KCND2: variants seen among roughly 807,000 people sequenced by gnomAD.
KCND2 encodes the protein A-type voltage-gated potassium channel KCND2.
Under a neutral mutation model 54.4 loss-of-function variants are expected in KCND2, and 16 were observed. The ratio of observed to expected loss-of-function variants is 0.29; its 90% CI spans 0.20 to 0.45. The LOEUF is 0.45. KCND2 is among the 20% of genes least tolerant of loss of function. KCND2 has a pLI of 1.00. For synonymous variants in KCND2, 317 were observed against 310.7 expected (o/e 1.02, Z -0.21); for missense variants, 486 against 824.2 (o/e 0.59, Z 5.02).
chr7:120,740,876 A>G, intron 2 of KCND2: 1 of 455,550 alleles, frequency 2.2e-6, no homozygotes, highest in Non-Finnish European at 4.4e-6. Flanking sequence ...GCCGGTAGAC[A>G]AAGTAGATAA....
chr7:120,530,130 A>G (rs1791824920), intron 1 of KCND2, among the ~76,000 whole-genome samples: 1 of 152,160 alleles, frequency 6.6e-6, no homozygotes. Flanking sequence ...AGCACAACAG[A>G]TTGACTATTG....
intron 1 of KCND2, among the ~76,000 whole-genome samples, chr7:120,339,053 A>T (rs548003825): frequency 0.096 from 13,578 of 141,012 alleles, 645 homozygotes; most frequent in African/African-American, 0.1. Flanking sequence ...GCTAATTATT[A>T]TTTTTTTTTT....
chr7:120,685,226 G>A (rs932996904), intron 1 of KCND2, among the ~76,000 whole-genome samples: 4 of 152,138 alleles, frequency 2.6e-5, no homozygotes, highest in Non-Finnish European at 5.9e-5. Flanking sequence ...AAGACTAGGA[G>A]AGAGATAAGA....
chr7:120,684,059 A>G (rs1792171764), intron 1 of KCND2, among the ~76,000 whole-genome samples: 1 of 152,096 alleles, frequency 6.6e-6, no homozygotes, highest in Non-Finnish European at 1.5e-5. Flanking sequence ...TTTATTTAGT[A>G]AAATAGTTGT....
chr7:120,524,782 AC>A (rs1406006016), intron 1 of KCND2, among the ~76,000 whole-genome samples: 1 of 152,196 alleles, frequency 6.6e-6, no homozygotes, highest in East Asian at 1.9e-4. Context: ...CACAAGAGAT[AC>A]TTTCTTGCCA....
chr7:120,649,509 A>G lies in KCND2; in HGVS notation c.1116-83394A>G, dbSNP rs556034226. ...ATAGTAGTTTCTTTTGCTGTGCAGA[A>G]GCTCTTTAGTTTAATTAGATCCCAT... On this transcript the variant is annotated intron_variant, in intron 1 of 5. Coordinates refer to ENST00000331113, the MANE Select transcript of KCND2 (RefSeq NM_012281.3). 5.3e-4 allele frequency among the ~76,000 whole-genome samples: 80 copies of G among 152,296 alleles called. 1 individual carries two copies. The highest frequency in any genetic ancestry group is 7.1e-4 in the Non-Finnish European group (48 of 68,026).
At chr7:120,723,187 G>A (rs1450693462) in intron 1 of KCND2, among the ~76,000 whole-genome samples, 2 of 152,182 alleles carry the variant, frequency 1.3e-5, no homozygotes, top group African/African-American at 4.8e-5. Context: ...ACCAAAACAT[G>A]CATCTTAGGG....
chr7:120,444,745 A>G (rs1349476712), intron 1 of KCND2, among the ~76,000 whole-genome samples: 1 of 152,168 alleles, frequency 6.6e-6, no homozygotes, highest in East Asian at 1.9e-4. Flanking sequence ...AAGCAAATAT[A>G]TAATAATGCT....
intron 1 of KCND2, among the ~76,000 whole-genome samples, chr7:120,567,839 A>G (rs950672209): frequency 1.3e-5 from 2 of 152,182 alleles, no homozygotes; most frequent in African/African-American, 2.4e-5. Context: ...TTTAGGGAAT[A>G]AAATTAGATA....
intron 1 of KCND2, among the ~76,000 whole-genome samples, chr7:120,646,759 G>A (rs1160632796): frequency 6.6e-6 from 1 of 152,196 alleles, no homozygotes; most frequent in Admixed American, 6.5e-5. Context: ...TTTCATTTCA[G>A]CAAAGATTCG....
chr7:120,329,682 C>T (rs1584732921), intron 1 of KCND2, among the ~76,000 whole-genome samples: 1 of 152,222 alleles, frequency 6.6e-6, no homozygotes, highest in Non-Finnish European at 1.5e-5. Flanking sequence ...GGGAACTATT[C>T]TTAGCTCCAG....
At chr7:120,366,109 T>C (rs2116407991) in intron 1 of KCND2, among the ~76,000 whole-genome samples, 1 of 152,160 alleles carries the variant, frequency 6.6e-6, no homozygotes, top group Non-Finnish European at 1.5e-5. Flanking sequence ...AAGTAAGCTT[T>C]ATCTTGATAG....
intron 1 of KCND2, among the ~76,000 whole-genome samples, chr7:120,390,591 T>C (rs2116050651): frequency 6.6e-6 from 1 of 152,092 alleles, no homozygotes; most frequent in South Asian, 2.1e-4. Context: ...GCTATATACT[T>C]CTCCCATCAA....
At chr7:120,281,292 A>G (rs1247354124) in intron 1 of KCND2, among the ~76,000 whole-genome samples, 1 of 151,696 alleles carries the variant, frequency 6.6e-6, no homozygotes. Flanking sequence ...CATATGTCTT[A>G]TATTGTTTTC....
intron 1 of KCND2, among the ~76,000 whole-genome samples, chr7:120,576,517 T>TG (rs1219474914): frequency 1.3e-5 from 1 of 74,304 alleles, no homozygotes; most frequent in Non-Finnish European, 4.7e-5. Flanking sequence ...TCACAGAGCA[T>TG]GAAAATTTTT....
intron 1 of KCND2, among the ~76,000 whole-genome samples, chr7:120,287,427 T>C (rs143351670): frequency 4.4e-4 from 67 of 152,180 alleles, no homozygotes; most frequent in African/African-American, 1.4e-3. Flanking sequence ...TAAATAGTCT[T>C]TGCAGGTGGG....
intron 2 of KCND2, among the ~76,000 whole-genome samples, chr7:120,741,106 T>C (rs538386582): frequency 6.6e-6 from 1 of 151,986 alleles, no homozygotes; most frequent in African/African-American, 2.4e-5. Context: ...ACTTAGTTAC[T>C]AATTTTTTTA....
rs1584834404 is a variant in KCND2 at position 120,574,682 on chromosome 7, G to A, written c.1116-158221G>A. Among the ~76,000 whole-genome samples, 4 of 151,860 alleles carry A rather than the reference G, an allele frequency of 2.6e-5. No individual in the cohort carries two copies. The East Asian group carries it at 5.8e-4, about 22-fold the overall frequency. The stretch of plus-strand genomic sequence containing the variant: ...AGACTGAGGTGCAGCCTGGGCGTTG[G>A]AATTTTTATAGCTTCCAGGTAATTC... On this transcript the variant is annotated intron_variant, in intron 1 of 5. Coordinates refer to ENST00000331113, the MANE Select transcript of KCND2 (RefSeq NM_012281.3).
chr7:120,613,826 C>CCTCG (rs1792988367), intron 1 of KCND2, among the ~76,000 whole-genome samples: 1 of 152,080 alleles, frequency 6.6e-6, no homozygotes, highest in Non-Finnish European at 1.5e-5. Context: ...AATATACTAA[C>CCTCG]CAAAGTTGAA....
Sources: allele counts gnomAD v4.1 joint callset (sites outside exome capture counted in the v4.1 genomes callset), GRCh38; gene constraint gnomAD v4.1.1; transcripts MANE v1.5; gene names NCBI Gene and HGNC (gene_info 2026-07-23, HGNC 2026-07-21).